Variants in DOK6 observed in about 807,000 individuals in gnomAD.
DOK6 encodes docking protein 6, also known as downstream of tyrosine kinase 6.
In DOK6, 22 loss-of-function variants were observed where a neutral mutation model predicts 44.0. The observed-to-expected ratio is 0.50, with a 90% CI of 0.36 to 0.71. The LOEUF is 0.71. DOK6 is among the 30% of genes least tolerant of loss of function. The pLI is 0.00. For synonymous variants in DOK6, 166 were observed against 145.5 expected (o/e 1.14, Z -1.01); for missense variants, 340 against 416.4 (o/e 0.82, Z 1.60).
chr18:69,509,983 A>G (rs1018828372), intron 1 of DOK6, among the ~76,000 whole-genome samples: 1 of 152,210 alleles, frequency 6.6e-6, no homozygotes, highest in African/African-American at 2.4e-5. Context: ...ACTTGATCAA[A>G]CTGTCCTGTT....
intron 1 of DOK6, among the ~76,000 whole-genome samples, chr18:69,425,721 AT>A (rs1172802005): frequency 1.1e-4 from 17 of 152,098 alleles, no homozygotes; most frequent in South Asian, 6.2e-4. Context: ...GTTAAAAAAA[AT>A]GTTGCATTAA....
chr18:69,553,877 C>T (rs1982625336), intron 1 of DOK6, among the ~76,000 whole-genome samples: 1 of 152,190 alleles, frequency 6.6e-6, no homozygotes. Flanking sequence ...TTGATGTCCA[C>T]CTGCTCCTTT....
intron 3 of DOK6, among the ~76,000 whole-genome samples, chr18:69,671,271 A>C (rs1271993632): frequency 6.6e-6 from 1 of 152,204 alleles, no homozygotes; most frequent in East Asian, 1.9e-4. Flanking sequence ...TCACTCCTTC[A>C]ATTCATAAAA....
intron 7 of DOK6, among the ~76,000 whole-genome samples, chr18:69,814,776 C>A (rs1981347364): frequency 6.6e-6 from 1 of 152,058 alleles, no homozygotes; most frequent in Non-Finnish European, 1.5e-5. Flanking sequence ...ATTATGAGAA[C>A]AGCAAGGGGA....
rs557792529 is a variant in DOK6 at position 69,414,380 on chromosome 18, A to G, written c.66+13070A>G. On this transcript the variant is annotated intron_variant, in intron 1 of 7. Transcript: ENST00000382713. ...GATTAAACAAGCTGTAGTTCACCAA[A>G]TTACGCAATACTACACAGCAGTAAC... Among the ~76,000 whole-genome samples, 13 of 152,192 alleles carry G rather than the reference A, an allele frequency of 8.5e-5. No individual in the cohort carries two copies. In the South Asian group the frequency reaches 2.7e-3, roughly 32 times the overall value.
At chr18:69,635,291 C>A (rs1173137175) in intron 3 of DOK6, among the ~76,000 whole-genome samples, 2 of 151,972 alleles carry the variant, frequency 1.3e-5, no homozygotes, top group Non-Finnish European at 2.9e-5. Flanking sequence ...TTTTTCTCCT[C>A]ATATGGATTG....
chr18:69,828,884 GTATA>G (rs74175393), intron 7 of DOK6, among the ~76,000 whole-genome samples: 5 of 90,170 alleles, frequency 5.5e-5, no homozygotes, highest in East Asian at 8.1e-4. Context: ...ACATTTATGT[GTATA>G]TATATATATA....
At chr18:69,404,788 TGTG>T (rs1183657674) in intron 1 of DOK6, among the ~76,000 whole-genome samples, 1 of 22,052 alleles carries the variant, frequency 4.5e-5, no homozygotes, top group Admixed American at 2.9e-4. Context: ...GATAGGGTGG[TGTG>T]TGTGTGTGTG....
intron 3 of DOK6, among the ~76,000 whole-genome samples, chr18:69,604,720 G>T (rs1983954743): frequency 6.6e-6 from 1 of 151,986 alleles, no homozygotes; most frequent in Non-Finnish European, 1.5e-5. Context: ...ACTTTGTAAT[G>T]CAAATTATTT....
chr18:69,783,288 C>T (rs578224763), intron 7 of DOK6, among the ~76,000 whole-genome samples: 4 of 151,982 alleles, frequency 2.6e-5, no homozygotes, highest in South Asian at 4.2e-4. Context: ...ATGATTAGTC[C>T]GAATTGAGAT....
At chr18:69,586,831 T>C (rs1366864099) in intron 2 of DOK6, among the ~76,000 whole-genome samples, 1 of 152,054 alleles carries the variant, frequency 6.6e-6, no homozygotes, top group Non-Finnish European at 1.5e-5. Context: ...GAACTTCACC[T>C]CCCACAGGCT....
intron 2 of DOK6, among the ~76,000 whole-genome samples, chr18:69,588,309 A>G (rs182411398): frequency 1.3e-5 from 2 of 152,330 alleles, no homozygotes; most frequent in Non-Finnish European, 2.9e-5. Context: ...TATAGCAGAA[A>G]AAGAAACTGG....
intron 1 of DOK6, among the ~76,000 whole-genome samples, chr18:69,556,844 G>A (rs775494963): frequency 5.3e-5 from 8 of 152,174 alleles, no homozygotes; most frequent in Non-Finnish European, 1.0e-4. Context: ...TCATCAGTGC[G>A]TTAAAGTGAA....
chr18:69,596,304 A>T lies in DOK6; in HGVS notation c.175-3080A>T, dbSNP rs1247688161. Among the ~76,000 whole-genome samples the T allele has an allele frequency of 2.6e-5, 4 of 152,194 alleles. No individual in the cohort carries two copies. In the East Asian group the frequency reaches 7.7e-4, roughly 29 times the overall value. ...AATCAGCCTGCAAATAGTGGAGCTA[A>T]ATAATTGGGTGTGGTCATGGAAAGA... On this transcript the variant is annotated intron_variant, in intron 2 of 7. Transcript: ENST00000382713.
At chr18:69,650,251 T>C (rs1985188818) in intron 3 of DOK6, among the ~76,000 whole-genome samples, 1 of 152,214 alleles carries the variant, frequency 6.6e-6, no homozygotes, top group Admixed American at 6.5e-5. Context: ...ATGCAGGGAA[T>C]ACTACTGCTC....
rs186143620 is a variant in DOK6 at position 69,621,633 on chromosome 18, A to T, written c.289+22135A>T. ...GTGATTGAATTGAAAAGATCATGGG[A>T]TTCACAATGGTTGGTGATCTTGATG... On this transcript the variant is annotated intron_variant, in intron 3 of 7. Transcript: ENST00000382713. Among the ~76,000 whole-genome samples the T allele has an allele frequency of 3.8e-3, 576 of 152,250 alleles. 4 individuals are homozygous for T. Among genetic ancestry groups the T allele is most frequent in the South Asian group, 8.7e-3 (42 of 4,822 alleles).
At chr18:69,546,751 CAG>C (rs2144585070) in intron 1 of DOK6, among the ~76,000 whole-genome samples, 1 of 151,524 alleles carries the variant, frequency 6.6e-6, no homozygotes, top group South Asian at 2.1e-4. Flanking sequence ...ATGATCAAGT[CAG>C]GGTATTTGGA....
chr18:69,527,811 A>C (rs568429882), intron 1 of DOK6, among the ~76,000 whole-genome samples: 47 of 152,310 alleles, frequency 3.1e-4, no homozygotes, highest in African/African-American at 1.1e-3. Flanking sequence ...GCTAAATAAC[A>C]GTCACTGTTG....
intron 1 of DOK6, among the ~76,000 whole-genome samples, chr18:69,547,461 C>G (rs1201036576): frequency 2.6e-5 from 4 of 151,314 alleles, no homozygotes; most frequent in African/African-American, 4.8e-5. Flanking sequence ...AGGCTAGCAC[C>G]AAGAGGATGT....
Sources: gnomAD v4.1 joint callset for allele counts (sites outside exome capture counted in the v4.1 genomes callset) on GRCh38, gnomAD v4.1.1 for gene constraint, MANE v1.5 for transcripts, NCBI Gene and HGNC (gene_info 2026-07-23, HGNC 2026-07-21) for gene names.